Variants in MCTP1 observed in about 807,000 individuals in gnomAD.
The protein encoded by MCTP1 is multiple C2 and transmembrane domain-containing protein 1.
MCTP1 carries 69 observed loss-of-function variants against 120.6 expected under a neutral mutation model. The ratio of observed to expected loss-of-function variants is 0.57; its 90% CI spans 0.47 to 0.70. MCTP1 has a LOEUF of 0.70. MCTP1 is among the 30% of genes least tolerant of loss of function. The pLI is 0.00. For synonymous variants in MCTP1, 529 were observed against 493.1 expected (o/e 1.07, Z -0.96); for missense variants, 1,203 against 1,248.8 (o/e 0.96, Z 0.55).
chr5:95,063,097 T>C (rs563051083), intron 1 of MCTP1, among the ~76,000 whole-genome samples: 1 of 152,330 alleles, frequency 6.6e-6, no homozygotes, highest in South Asian at 2.1e-4. Flanking sequence ...GGGATACAGA[T>C]GTGAGCCACT....
intron 1 of MCTP1, among the ~76,000 whole-genome samples, chr5:95,268,278 G>A (rs1463883430): frequency 6.6e-6 from 1 of 152,190 alleles, no homozygotes; most frequent in Non-Finnish European, 1.5e-5. Context: ...AATATTTGAG[G>A]AAGGGAGAAA....
At chr5:94,715,524 CTA>C (rs1426471348) in intron 19 of MCTP1, among the ~76,000 whole-genome samples, 1 of 152,098 alleles carries the variant, frequency 6.6e-6, no homozygotes, top group African/African-American at 2.4e-5. Flanking sequence ...TAGGTTCTAA[CTA>C]AACATTTTTT....
chr5:94,919,124 G>A (rs1267812370), intron 7 of MCTP1, among the ~76,000 whole-genome samples: 1 of 152,166 alleles, frequency 6.6e-6, no homozygotes, highest in East Asian at 1.9e-4. Context: ...ATCGAGAAAG[G>A]CTAATCGAGG....
At chr5:95,234,082 A>T (rs1184782463) in intron 1 of MCTP1, among the ~76,000 whole-genome samples, 2 of 152,048 alleles carry the variant, frequency 1.3e-5, no homozygotes, top group African/African-American at 4.8e-5. Flanking sequence ...ACTTCCAAGG[A>T]AAGAATATTT....
At chr5:95,135,180 T>A (rs1034904436) in intron 1 of MCTP1, among the ~76,000 whole-genome samples, 1 of 151,978 alleles carries the variant, frequency 6.6e-6, no homozygotes, top group African/African-American at 2.4e-5. Flanking sequence ...AAAACAAATA[T>A]GGAGACAGAT....
At chr5:94,817,262 G>T (rs955723187) in intron 17 of MCTP1, among the ~76,000 whole-genome samples, 3 of 152,138 alleles carry the variant, frequency 2.0e-5, no homozygotes, top group Non-Finnish European at 4.4e-5. Flanking sequence ...AATTAGCTGG[G>T]TGTGGTGGCA....
At chr5:94,801,110 C>T (rs255339) in intron 17 of MCTP1, among the ~76,000 whole-genome samples, 33,495 of 151,940 alleles carry the variant, frequency 0.22, 4,563 homozygotes, top group Middle Eastern at 0.31. Context: ...TCATTTTTGG[C>T]TAAAGTCCAT....
chr5:94,773,484 C>T (rs180893443), intron 19 of MCTP1, among the ~76,000 whole-genome samples: 134 of 152,240 alleles, frequency 8.8e-4, no homozygotes, highest in Middle Eastern at 3.4e-3. Context: ...CCAAGATTCG[C>T]GCCTTCCAAT....
chr5:95,217,598 T>G (rs1230115262), intron 1 of MCTP1, among the ~76,000 whole-genome samples: 1 of 152,184 alleles, frequency 6.6e-6, no homozygotes, highest in Non-Finnish European at 1.5e-5. Context: ...TGTAATTAAT[T>G]TCTGTGAGAA....
intron 1 of MCTP1, among the ~76,000 whole-genome samples, chr5:95,080,087 C>A (rs1754538939): frequency 6.6e-6 from 1 of 152,136 alleles, no homozygotes; most frequent in Non-Finnish European, 1.5e-5. Context: ...TTGGAGGAAT[C>A]TCTTTTTGCT....
At chr5:94,827,870 C>A (rs1251747072) in intron 17 of MCTP1, among the ~76,000 whole-genome samples, 1 of 151,716 alleles carries the variant, frequency 6.6e-6, no homozygotes, top group African/African-American at 2.4e-5. Flanking sequence ...TTCCTCTAAC[C>A]TTTTATCAAG....
At chr5:94,979,679 C>G (rs1581676443) in intron 2 of MCTP1, 1 of 151,974 alleles carries the variant, frequency 6.6e-6, no homozygotes, top group South Asian at 2.1e-4. Flanking sequence ...ACTCTGTCAA[C>G]CACAGGCTTT....
chr5:94,832,340 T>C (rs1218630246), intron 17 of MCTP1, among the ~76,000 whole-genome samples: 6 of 152,172 alleles, frequency 3.9e-5, no homozygotes, highest in African/African-American at 1.4e-4. Context: ...TGTACTTTCT[T>C]CAATGTAAGA....
chr5:94,706,299 A>T lies in MCTP1; in HGVS notation c.*1197T>A, dbSNP rs534404443. On this transcript the variant is annotated 3_prime_UTR_variant, in exon 23 of 23. Coordinates refer to ENST00000515393, the MANE Select transcript of MCTP1 (RefSeq NM_024717.7). Reference sequence around the variant, plus strand: ...CTCCCTTAGTATACCAGGGAGTGAGATATAAAAACTACTTTAAGAGTCTTG... The same window carrying T: ...CTCCCTTAGTATACCAGGGAGTGAGTTATAAAAACTACTTTAAGAGTCTTG... The T allele has an allele frequency of 1.1e-3, 166 of 151,796 alleles. No homozygotes were observed. The highest frequency in any genetic ancestry group is 3.9e-3 in the African/African-American group (161 of 41,484). The allele number at this position is 151,796 out of a possible 1,614,324, so 9.4% of individuals were successfully genotyped here.
intron 2 of MCTP1, among the ~76,000 whole-genome samples, chr5:95,002,563 C>G (rs764093968): frequency 6.6e-6 from 1 of 152,198 alleles, no homozygotes; most frequent in East Asian, 1.9e-4. Context: ...TAAGATTTAA[C>G]GACTGCCCTA....
At chr5:94,814,158 T>C (rs1021251113) in intron 17 of MCTP1, among the ~76,000 whole-genome samples, 1 of 152,206 alleles carries the variant, frequency 6.6e-6, no homozygotes, top group Non-Finnish European at 1.5e-5. Flanking sequence ...GACATATAAA[T>C]TATATTTCAG....
chr5:94,895,218 T>A (rs564518823), intron 10 of MCTP1, among the ~76,000 whole-genome samples: 55 of 152,302 alleles, frequency 3.6e-4, no homozygotes, highest in Non-Finnish European at 7.4e-4. Context: ...AATTTTTGTG[T>A]TACCTTTAAA....
At chr5:94,737,377 A>T (rs1764526014) in intron 19 of MCTP1, among the ~76,000 whole-genome samples, 1 of 152,218 alleles carries the variant, frequency 6.6e-6, no homozygotes, top group South Asian at 2.1e-4. Context: ...CAGAGCAGTA[A>T]GCTTAGATAT....
chr5:94,817,990 G>C lies in MCTP1; in HGVS notation c.2437-18858C>G, dbSNP rs559475856. On this transcript the variant is annotated intron_variant, in intron 17 of 22. Transcript: ENST00000515393. ...GTCAAAAAGAGTATCAGCTGCTCCTGGTTATACTAATCGGTTCAAGGATGG... is the reference window on the plus strand; with the variant it reads ...GTCAAAAAGAGTATCAGCTGCTCCTCGTTATACTAATCGGTTCAAGGATGG... Among the ~76,000 whole-genome samples, 3 of 152,224 alleles carry C rather than the reference G, an allele frequency of 2.0e-5. No individual in the cohort carries two copies. In the South Asian group the frequency reaches 6.2e-4, roughly 32 times the overall value.
Sources: allele counts gnomAD v4.1 joint callset (sites outside exome capture counted in the v4.1 genomes callset), GRCh38; gene constraint gnomAD v4.1.1; transcripts MANE v1.5; gene names NCBI Gene and HGNC (gene_info 2026-07-23, HGNC 2026-07-21).